The following RBPMS variants were observed in gnomAD, a reference collection of about 807,000 sequenced individuals.
The protein encoded by RBPMS is RNA-binding protein with multiple splicing.
In RBPMS, 7 loss-of-function variants were observed where a neutral mutation model predicts 26.8. The observed-to-expected ratio is 0.26, with a 90% CI of 0.15 to 0.49. RBPMS has a LOEUF of 0.49. RBPMS is among the 20% of genes least tolerant of loss of function. The probability of loss-of-function intolerance (pLI) is 0.98; values close to 1 mark genes in which losing one functional copy is unlikely to be tolerated. For missense variants in RBPMS, 186 were observed against 250.0 expected (o/e 0.74, Z 1.73); for synonymous variants, 96 against 93.3 (o/e 1.03, Z -0.17).
At chr8:30,424,454 T>C (rs2150636784) in intron 1 of RBPMS, among the ~76,000 whole-genome samples, 1 of 152,324 alleles carries the variant, frequency 6.6e-6, no homozygotes, top group Admixed American at 6.5e-5. Context: ...GGGCAGGTTA[T>C]AGAGCAGTCG....
At chr8:30,391,809 T>G (rs1807821884) in intron 1 of RBPMS, among the ~76,000 whole-genome samples, 1 of 152,164 alleles carries the variant, frequency 6.6e-6, no homozygotes, top group Admixed American at 6.5e-5. Context: ...GAAAGCTGCT[T>G]GGCTTGTCAG....
At chr8:30,560,454 A>G (rs6468395) in intron 7 of RBPMS, among the ~76,000 whole-genome samples, 123,515 of 152,144 alleles carry the variant, frequency 0.81, 50,934 homozygotes, top group African/African-American at 0.95. Flanking sequence ...GGCCATTCAC[A>G]GCTCTTTCTC....
intron 6 of RBPMS, 115 bp downstream of exon 6, chr8:30,544,739 A>G: frequency 1.2e-6 from 2 of 1,600,788 alleles, no homozygotes; most frequent in Non-Finnish European, 8.5e-7. Context: ...ATCCACCCTC[A>G]AGAGATTAAT....
intron 1 of RBPMS, among the ~76,000 whole-genome samples, chr8:30,453,458 AAAG>A (rs1339759418): frequency 6.6e-6 from 1 of 152,220 alleles, no homozygotes; most frequent in African/African-American, 2.4e-5. Flanking sequence ...TTTCTAAAAA[AAAG>A]AAACAAAACA....
intron 1 of RBPMS, among the ~76,000 whole-genome samples, chr8:30,438,655 A>G (rs1380321676): frequency 6.6e-6 from 1 of 152,146 alleles, no homozygotes; most frequent in Non-Finnish European, 1.5e-5. Flanking sequence ...TACCTTAATA[A>G]ATGTTTTTCT....
intron 1 of RBPMS, among the ~76,000 whole-genome samples, chr8:30,420,177 G>A (rs1311904470): frequency 6.6e-6 from 1 of 151,478 alleles, no homozygotes; most frequent in South Asian, 2.1e-4. Context: ...GCAGTGGGCC[G>A]TGATCACACC....
chr8:30,517,199 T>G (rs900827361), intron 5 of RBPMS, among the ~76,000 whole-genome samples: 1 of 90,520 alleles, frequency 1.1e-5, no homozygotes, highest in Non-Finnish European at 2.6e-5. Context: ...CGTGTGTGTG[T>G]GTGTGTGTGT....
intron 1 of RBPMS, among the ~76,000 whole-genome samples, chr8:30,464,627 T>A (rs967060452): frequency 6.6e-6 from 1 of 152,238 alleles, no homozygotes. Flanking sequence ...TTCTTCCTGG[T>A]ACTTTAAATG....
chr8:30,415,287 A>G (rs948882890), intron 1 of RBPMS, among the ~76,000 whole-genome samples: 1 of 152,010 alleles, frequency 6.6e-6, no homozygotes, highest in Non-Finnish European at 1.5e-5. Context: ...CTGCTGTCCT[A>G]TTTCAGGCTA....
chr8:30,423,236 A>G (rs1344761268), intron 1 of RBPMS, among the ~76,000 whole-genome samples: 1 of 152,092 alleles, frequency 6.6e-6, no homozygotes, highest in Non-Finnish European at 1.5e-5. Context: ...TCTTTCTTCG[A>G]CTGGAGATCC....
At chr8:30,464,553 A>G (rs1193912319) in intron 1 of RBPMS, among the ~76,000 whole-genome samples, 3 of 152,206 alleles carry the variant, frequency 2.0e-5, no homozygotes, top group Admixed American at 6.5e-5. Flanking sequence ...TGCTAATATC[A>G]AAAGCAATAA....
At chr8:30,517,614 A>G (rs909830568) in intron 5 of RBPMS, among the ~76,000 whole-genome samples, 3 of 152,112 alleles carry the variant, frequency 2.0e-5, no homozygotes, top group Admixed American at 2.0e-4. Flanking sequence ...CAAACATTTG[A>G]GGGGAGGTGA....
chr8:30,529,434 G>A (rs567575958), intron 5 of RBPMS, among the ~76,000 whole-genome samples: 6 of 151,842 alleles, frequency 4.0e-5, no homozygotes, highest in South Asian at 2.1e-4. Context: ...CCTGGGAGGC[G>A]GAGGTTGCAG....
intron 2 of RBPMS, 37 bp downstream of exon 2, chr8:30,474,893 A>G: frequency 2.2e-6 from 3 of 1,350,668 alleles, no homozygotes; most frequent in Non-Finnish European, 3.2e-6. Context: ...ATAAAATGAG[A>G]CAAAAGTCTG....
intron 1 of RBPMS, among the ~76,000 whole-genome samples, chr8:30,393,094 A>C (rs943207977): frequency 1.3e-5 from 2 of 152,230 alleles, no homozygotes; most frequent in Non-Finnish European, 2.9e-5. Context: ...GAAAATAATC[A>C]AGAAAAATGG....
chr8:30,547,095 C>T (rs1414062941), intron 6 of RBPMS, among the ~76,000 whole-genome samples: 1 of 152,250 alleles, frequency 6.6e-6, no homozygotes, highest in Admixed American at 6.5e-5. Context: ...ACTTAACCCT[C>T]ACCCAAAGGG....
chr8:30,483,746 A>G (rs1434211551), intron 4 of RBPMS, among the ~76,000 whole-genome samples: 1 of 152,054 alleles, frequency 6.6e-6, no homozygotes, highest in African/African-American at 2.4e-5. Context: ...GTAGCCCTTA[A>G]TGCAGTAAAT....
chr8:30,544,798 T>A, intron 6 of RBPMS, 174 bp downstream of exon 6: 1 of 1,569,278 alleles, frequency 6.4e-7, no homozygotes. Context: ...ACGAGGATCG[T>A]CTGACAGCAA....
rs1817221497 is a variant in RBPMS at position 30,472,412 on chromosome 8, G to A, written c.67-2367G>A. On this transcript the variant is annotated intron_variant, in intron 1 of 8. Coordinates refer to ENST00000397323, the MANE Select transcript of RBPMS (RefSeq NM_001008710.3). ...GATTGCCTGGGGATGGAGAATGGTG[G>A]GACAGAGTGGGAGGAAGGATTAAAG... 2.0e-5 allele frequency among the ~76,000 whole-genome samples: 3 copies of A among 152,174 alleles called. No homozygotes were observed. In the South Asian group the frequency reaches 6.2e-4, roughly 31 times the overall value.
Sources: allele counts gnomAD v4.1 joint callset (sites outside exome capture counted in the v4.1 genomes callset), GRCh38; gene constraint gnomAD v4.1.1; transcripts MANE v1.5; gene names NCBI Gene and HGNC (gene_info 2026-07-23, HGNC 2026-07-21).